TMEM245: variants seen among roughly 807,000 people sequenced by gnomAD.
TMEM245 encodes the protein transmembrane protein 245.
In TMEM245, 69 loss-of-function variants were observed where a neutral mutation model predicts 101.2. The ratio of observed to expected loss-of-function variants is 0.68; its 90% CI spans 0.56 to 0.83. The LOEUF (loss-of-function observed/expected upper bound fraction) is 0.83. Ranked by LOEUF, TMEM245 falls within the 40% of genes least tolerant of loss-of-function variation. TMEM245 has a pLI of 0.00. For synonymous variants in TMEM245, 537 were observed against 449.8 expected (o/e 1.19, Z -2.45); for missense variants, 1,075 against 1,092.8 (o/e 0.98, Z 0.23).
At chr9:109,035,910 C>A in intron 16 of TMEM245, 1 of 182,666 alleles carries the variant, frequency 5.5e-6, no homozygotes. Context: ...ACCCTGCACT[C>A]TAGCAGTCTG....
rs1794138714 is a variant in TMEM245, at chr9:109,016,938, T to G, written c.*3522A>C. The G allele has an allele frequency of 7.2e-6, 1 of 138,996 alleles. No individual in the cohort carries two copies. 8.6% of individuals were successfully genotyped at this position (138,996 alleles called of 1,614,324 possible). A position where few individuals can be genotyped will look rare whatever the true frequency, so the allele number is the denominator to read the frequency against. On this transcript the variant is annotated 3_prime_UTR_variant, in exon 18 of 18. Coordinates refer to ENST00000374586, the MANE Select transcript of TMEM245 (RefSeq NM_032012.4). ...GAGAAGTCCTAAGGGTTTTTGTATT[T>G]TGTTTTTTTTTCCTATAAACCCTGA...
At chr9:109,080,285 C>T (rs1378765028) in intron 8 of TMEM245, among the ~76,000 whole-genome samples, 1 of 151,304 alleles carries the variant, frequency 6.6e-6, no homozygotes, top group African/African-American at 2.4e-5. Context: ...ACTTGATAAG[C>T]CTAAAAAAAA....
In TMEM245 at chr9:109,060,373, T is replaced by C; in HGVS notation, c.1703A>G (p.Tyr568Cys). The C allele has an allele frequency of 1.2e-6, 2 of 1,613,140 alleles. No homozygotes were observed. The highest frequency in any genetic ancestry group is 1.7e-6 in the Non-Finnish European group (2 of 1,179,496). Residue 568 changes from tyrosine to cysteine, a missense_variant, in exon 11 of 18, where the codon TAT becomes TGT. Tyr to Cys is a radical substitution (Grantham distance 194, BLOSUM62 -2). Transcript: ENST00000374586. ...KQVLELWDRL[Y>C]HSWFVKNVTH... ...ACTTACCTTTACAAACCAAGAGTGA[T>C]ACAGTCTGTCCCAAAGTTCTAGTAC...
intron 12 of TMEM245, among the ~76,000 whole-genome samples, chr9:109,055,632 TTTTTC>T (rs1828809206): frequency 6.8e-6 from 1 of 147,546 alleles, no homozygotes. Context: ...ACGGTTTCTT[TTTTTC>T]TTTTTTTTTT....
chr9:109,035,745 A>G (rs1828097562), intron 16 of TMEM245, among the ~76,000 whole-genome samples: 1 of 152,078 alleles, frequency 6.6e-6, no homozygotes, highest in African/African-American at 2.4e-5. Context: ...AACCCAGGAC[A>G]TCATATATAT....
At chr9:109,110,704 G>A (rs534816307) in intron 1 of TMEM245, among the ~76,000 whole-genome samples, 3 of 152,168 alleles carry the variant, frequency 2.0e-5, no homozygotes, top group African/African-American at 7.2e-5. Context: ...ACACAAATCA[G>A]TTATACAAAA....
intron 8 of TMEM245, 112 bp downstream of exon 8, chr9:109,080,727 T>C (rs949921312): frequency 5.8e-6 from 4 of 684,566 alleles, no homozygotes; most frequent in South Asian, 5.8e-5. Context: ...CTATTGTACA[T>C]ACTTTTAAAT....
chr9:109,113,888 G>C (rs929329591), intron 1 of TMEM245, among the ~76,000 whole-genome samples: 1 of 152,148 alleles, frequency 6.6e-6, no homozygotes, highest in Non-Finnish European at 1.5e-5. Flanking sequence ...TTAGGAGTTT[G>C]AGACCAGTCT....
At chr9:109,100,596 C>T (rs1830259992) in intron 3 of TMEM245, among the ~76,000 whole-genome samples, 2 of 152,156 alleles carry the variant, frequency 1.3e-5, no homozygotes, top group Admixed American at 1.3e-4. Flanking sequence ...CTCAAGCAAT[C>T]CTCCCGCCTT....
chr9:109,084,147 T>G (rs1430736147), intron 7 of TMEM245, among the ~76,000 whole-genome samples: 1 of 151,890 alleles, frequency 6.6e-6, no homozygotes, highest in Non-Finnish European at 1.5e-5. Context: ...ACATTTCAAT[T>G]AACCCATGTG....
At chr9:109,070,150 G>A (rs946099272) in intron 9 of TMEM245, among the ~76,000 whole-genome samples, 1 of 152,048 alleles carries the variant, frequency 6.6e-6, no homozygotes, top group Non-Finnish European at 1.5e-5. Flanking sequence ...CATTCTTTAT[G>A]CTGATGCTTC....
Position 109,070,550 on chromosome 9 carries a change from G to T in TMEM245, c.1532+2806C>A, listed in dbSNP as rs370709082. 9.2e-4 allele frequency among the ~76,000 whole-genome samples: 140 copies of T among 152,120 alleles called. 3 individuals are homozygous for T. In the South Asian group the frequency reaches 0.026, roughly 28 times the overall value. On this transcript the variant is annotated intron_variant, in intron 9 of 17. Transcript: ENST00000374586. ...TCAGGGCTTTGTCACTTCTCATCTG[G>T]TTTACTCTAGAAGCTTTTAATTTGT...
chr9:109,032,677 A>G (rs1193449851), intron 17 of TMEM245, among the ~76,000 whole-genome samples: 2 of 149,754 alleles, frequency 1.3e-5, no homozygotes, highest in Non-Finnish European at 1.5e-5. Context: ...CATGAGCCAC[A>G]CCACATCTGG....
rs1246924526 is a variant in TMEM245, at chr9:109,051,163, A to G, written c.1855-471T>C. On this transcript the variant is annotated intron_variant, in intron 12 of 17. Coordinates refer to ENST00000374586, the MANE Select transcript of TMEM245 (RefSeq NM_032012.4). The stretch of plus-strand genomic sequence containing the variant: ...AAATTAGCCAAGTGTGGTGTGGTAC[A>G]TGCTTGTAATCCCAGCTACCTGGGA... 2.0e-5 allele frequency among the ~76,000 whole-genome samples: 3 copies of G among 151,908 alleles called. No homozygotes were observed. In the East Asian group the frequency reaches 5.8e-4, roughly 29 times the overall value.
chr9:109,067,629 A>C (rs1327142992), intron 9 of TMEM245, among the ~76,000 whole-genome samples: 1 of 152,248 alleles, frequency 6.6e-6, no homozygotes, highest in Non-Finnish European at 1.5e-5. Flanking sequence ...AGGCACAGGA[A>C]TCAACAGGCT....
chr9:109,028,558 T>C (rs1422525148), intron 17 of TMEM245, among the ~76,000 whole-genome samples: 2 of 152,066 alleles, frequency 1.3e-5, no homozygotes, highest in Admixed American at 6.5e-5. Flanking sequence ...ATTTGGGATT[T>C]GGGATGCTCA....
intron 3 of TMEM245, among the ~76,000 whole-genome samples, chr9:109,094,591 T>C (rs1391963366): frequency 2.0e-5 from 3 of 152,224 alleles, no homozygotes; most frequent in Non-Finnish European, 2.9e-5. Context: ...CAAACAGTCC[T>C]TCAGTGTCAC....
chr9:109,064,219 TG>T (rs780667689), intron 10 of TMEM245, among the ~76,000 whole-genome samples: 9 of 152,254 alleles, frequency 5.9e-5, no homozygotes, highest in Non-Finnish European at 1.3e-4. Flanking sequence ...CCAAACCAAG[TG>T]ATCATTCTGT....
intron 17 of TMEM245, among the ~76,000 whole-genome samples, chr9:109,032,278 C>G (rs542169231): frequency 1.1e-4 from 16 of 149,726 alleles, no homozygotes; most frequent in Middle Eastern, 3.5e-3. Flanking sequence ...CAAATTTCCC[C>G]AATTGTTTCA....
Sources: allele counts gnomAD v4.1 joint callset (sites outside exome capture counted in the v4.1 genomes callset), GRCh38; gene constraint gnomAD v4.1.1; transcripts MANE v1.5; gene names NCBI Gene and HGNC (gene_info 2026-07-23, HGNC 2026-07-21).